CSGALNACT1: variants seen among roughly 807,000 people sequenced by gnomAD.
The protein encoded by CSGALNACT1 is beta4GalNAcT-1.
In CSGALNACT1, 52 loss-of-function variants were observed where a neutral mutation model predicts 51.0. The ratio of observed to expected loss-of-function variants is 1.02; its 90% CI spans 0.82 to 1.29. CSGALNACT1 has a LOEUF of 1.29. CSGALNACT1 is among the 50% of genes most tolerant of loss of function. CSGALNACT1 has a pLI of 0.00. For missense variants in CSGALNACT1, 935 were observed against 679.2 expected (o/e 1.38, Z -4.19); for synonymous variants, 341 against 254.4 (o/e 1.34, Z -3.24).
chr8:19,482,117 C>T (rs996930910), intron 4 of CSGALNACT1, among the ~76,000 whole-genome samples: 5 of 152,116 alleles, frequency 3.3e-5, no homozygotes, highest in African/African-American at 4.8e-5. Flanking sequence ...GCACAGCTAC[C>T]GCTCCTACCA....
At chr8:19,451,191 T>C (rs532831784) in intron 5 of CSGALNACT1, among the ~76,000 whole-genome samples, 40 of 152,300 alleles carry the variant, frequency 2.6e-4, no homozygotes, top group African/African-American at 8.4e-4. Context: ...ACCCAACAGA[T>C]GACAGACTTC....
At chr8:19,661,489 T>G (rs1564371635) in intron 1 of CSGALNACT1, among the ~76,000 whole-genome samples, 1 of 152,200 alleles carries the variant, frequency 6.6e-6, no homozygotes, top group Non-Finnish European at 1.5e-5. Flanking sequence ...CCACAGTGCT[T>G]GTATGAGGGT....
chr8:19,638,898 G>T (rs879390988), intron 1 of CSGALNACT1, among the ~76,000 whole-genome samples: 2 of 151,908 alleles, frequency 1.3e-5, no homozygotes, highest in Non-Finnish European at 2.9e-5. Context: ...GCACATCAAA[G>T]TTACAACTTC....
intron 3 of CSGALNACT1, among the ~76,000 whole-genome samples, chr8:19,580,657 G>A (rs1324443057): frequency 1.3e-5 from 2 of 152,148 alleles, no homozygotes; most frequent in Non-Finnish European, 2.9e-5. Context: ...TACAAAGCCT[G>A]ATAGAAAACA....
intron 6 of CSGALNACT1, among the ~76,000 whole-genome samples, chr8:19,438,782 T>C (rs1168019442): frequency 6.6e-6 from 1 of 152,240 alleles, no homozygotes; most frequent in Admixed American, 6.5e-5. Flanking sequence ...TGTAGTTTGC[T>C]GATCTCCTGC....
intron 6 of CSGALNACT1, among the ~76,000 whole-genome samples, chr8:19,423,328 CT>C (rs2058246481): frequency 6.6e-6 from 1 of 152,172 alleles, no homozygotes; most frequent in Non-Finnish European, 1.5e-5. Context: ...GTGTTAGAAA[CT>C]GAGGAAACAG....
intron 5 of CSGALNACT1, among the ~76,000 whole-genome samples, chr8:19,447,615 A>G (rs1460334271): frequency 6.6e-6 from 1 of 152,224 alleles, no homozygotes; most frequent in Non-Finnish European, 1.5e-5. Context: ...CACCTATCCC[A>G]GATGTGACAA....
intron 3 of CSGALNACT1, chr8:19,591,018 C>T (rs988155630): frequency 1.3e-5 from 2 of 152,174 alleles, no homozygotes; most frequent in African/African-American, 2.4e-5. Flanking sequence ...ATTAATGAGA[C>T]ACTAATGGCA....
At chr8:19,594,514 G>T (rs186611114) in intron 2 of CSGALNACT1, among the ~76,000 whole-genome samples, 48 of 152,188 alleles carry the variant, frequency 3.2e-4, no homozygotes, top group Non-Finnish European at 5.9e-5. Context: ...AACTCAAGCT[G>T]CCCACATGCA....
intron 3 of CSGALNACT1, among the ~76,000 whole-genome samples, chr8:19,548,085 T>G (rs1401962597): frequency 6.6e-6 from 1 of 152,240 alleles, no homozygotes; most frequent in Non-Finnish European, 1.5e-5. Flanking sequence ...AGACTATTAT[T>G]GGATTAAGTA....
intron 1 of CSGALNACT1, among the ~76,000 whole-genome samples, chr8:19,637,697 G>C (rs1188695658): frequency 6.6e-6 from 1 of 152,154 alleles, no homozygotes; most frequent in Non-Finnish European, 1.5e-5. Context: ...GTTTTAAAAA[G>C]GTAATTGGCA....
At chr8:19,448,975 C>T (rs545511207) in intron 5 of CSGALNACT1, among the ~76,000 whole-genome samples, 1 of 152,164 alleles carries the variant, frequency 6.6e-6, no homozygotes, top group South Asian at 2.1e-4. Context: ...AGTATTCTTC[C>T]TTTGGTTTGG....
At chr8:19,701,733 G>A (rs1000819146) in intron 1 of CSGALNACT1, among the ~76,000 whole-genome samples, 6 of 152,132 alleles carry the variant, frequency 3.9e-5, no homozygotes, top group South Asian at 2.1e-4. Flanking sequence ...TACATGTCAC[G>A]TACTGAAGCC....
At chr8:19,708,430 G>C (rs139343808) in intron 1 of CSGALNACT1, among the ~76,000 whole-genome samples, 1 of 152,128 alleles carries the variant, frequency 6.6e-6, no homozygotes, top group Non-Finnish European at 1.5e-5. Flanking sequence ...AGTCACATGG[G>C]TTCCATTATG....
intron 3 of CSGALNACT1, among the ~76,000 whole-genome samples, chr8:19,510,587 C>A (rs182768795): frequency 1.5e-4 from 23 of 152,232 alleles, no homozygotes; most frequent in African/African-American, 4.8e-4. Flanking sequence ...GAGGAACTAA[C>A]GTCCTTTCAA....
At chr8:19,662,454 C>G (rs1190038795) in intron 1 of CSGALNACT1, among the ~76,000 whole-genome samples, 1 of 152,192 alleles carries the variant, frequency 6.6e-6, no homozygotes, top group Non-Finnish European at 1.5e-5. Flanking sequence ...TCTTAACACT[C>G]CTACTGATGT....
chr8:19,452,375 G>A (rs1387251413), intron 5 of CSGALNACT1, among the ~76,000 whole-genome samples: 2 of 151,490 alleles, frequency 1.3e-5, no homozygotes, highest in African/African-American at 4.9e-5. Flanking sequence ...AGTGGAGAGG[G>A]AAGGTAATTC....
At chr8:19,631,279 A>G (rs543745065) in intron 1 of CSGALNACT1, among the ~76,000 whole-genome samples, 1 of 152,212 alleles carries the variant, frequency 6.6e-6, no homozygotes, top group East Asian at 1.9e-4. Context: ...AAACTGCCAA[A>G]CTGTCTTCCC....
chr8:19,494,770 A>T (rs2075129522), intron 4 of CSGALNACT1, among the ~76,000 whole-genome samples: 1 of 151,996 alleles, frequency 6.6e-6, no homozygotes, highest in Non-Finnish European at 1.5e-5. Context: ...CTTCAGATGA[A>T]GTCACCTCTG....
Sources: allele counts gnomAD v4.1 joint callset (sites outside exome capture counted in the v4.1 genomes callset), GRCh38; gene constraint gnomAD v4.1.1; transcripts MANE v1.5; gene names NCBI Gene and HGNC (gene_info 2026-07-23, HGNC 2026-07-21).